SP140L: variants seen among roughly 807,000 people sequenced by gnomAD.
The protein encoded by SP140L is SP140 like nuclear body protein.
Under a neutral mutation model 84.3 loss-of-function variants are expected in SP140L, and 64 were observed. The observed-to-expected ratio is 0.76, with a 90% CI of 0.62 to 0.94. The LOEUF (loss-of-function observed/expected upper bound fraction) is 0.94, where lower values mean the gene tolerates loss of function less well. Ranked by LOEUF, SP140L falls within the 40% of genes least tolerant of loss-of-function variation. The pLI is 0.00. For synonymous variants in SP140L, 242 were observed against 236.9 expected (o/e 1.02, Z -0.20); for missense variants, 628 against 692.5 (o/e 0.91, Z 1.05).
In SP140L at chr2:230,401,064, G is replaced by A; in HGVS notation, c.1422+1G>A. ...GCAGATGTGTCCTGAGGAACAGTTG[G>A]TAAATCAGATGCAAACCCCAAGCCT... On this transcript the variant is annotated splice_donor_variant, in intron 16 of 18. Transcript: ENST00000415673. LOFTEE classifies it high-confidence loss of function. 2 of 1,234,278 alleles carry A rather than the reference G, an allele frequency of 1.6e-6. No individual in the cohort carries two copies. The highest frequency in any genetic ancestry group is 2.3e-6 in the Non-Finnish European group (2 of 887,626). The allele number at this position is 1,234,278 out of a possible 1,614,324, so 76.5% of individuals were successfully genotyped here. A position where few individuals can be genotyped will look rare whatever the true frequency, so the allele number is the denominator to read the frequency against.
chr2:230,388,340 A>C (rs1329793436), intron 9 of SP140L, among the ~76,000 whole-genome samples: 2 of 152,220 alleles, frequency 1.3e-5, no homozygotes, highest in African/African-American at 4.8e-5. Context: ...GATTTCAATT[A>C]GTTTTTTTCT....
Position 230,400,177 on chromosome 2 carries a change from C to A in SP140L, c.1248C>A (p.Phe416Leu). Residue 416 changes from phenylalanine to leucine, a missense_variant, in exon 15 of 19, where the codon TTC becomes TTA. By Grantham distance (22) the Phe-to-Leu change is conservative. This residue lies in a region of SP140L where 525 missense variants were observed against 518.4 expected (regional missense o/e 1.01). Coordinates refer to ENST00000415673, the MANE Select transcript of SP140L (RefSeq NM_138402.6). ...CEVCRDGGEL[F>L]CCDTCSRVFH... is the part of the protein sequence containing the mutation. ...TGTGCCGGGACGGAGGGGAGCTGTTCTGTTGCGACACTTGTTCAAGAGTCT... is the reference window on the plus strand; with the variant it reads ...TGTGCCGGGACGGAGGGGAGCTGTTATGTTGCGACACTTGTTCAAGAGTCT... The A allele has an allele frequency of 6.2e-7, 1 of 1,614,198 alleles. No individual in the cohort carries two copies. The highest frequency in any genetic ancestry group is 1.1e-5 in the South Asian group (1 of 91,086).
At chr2:230,378,514 C>T (rs2061317503) in intron 7 of SP140L, among the ~76,000 whole-genome samples, 1 of 152,126 alleles carries the variant, frequency 6.6e-6, no homozygotes, top group East Asian at 1.9e-4. Context: ...TCTTAGTGGT[C>T]AGATCTTAAA....
At chr2:230,364,919 C>G (rs895676651) in intron 5 of SP140L, among the ~76,000 whole-genome samples, 1 of 152,062 alleles carries the variant, frequency 6.6e-6, no homozygotes, top group African/African-American at 2.4e-5. Flanking sequence ...GTCCTTCATT[C>G]TATTAATGCA....
At chr2:230,383,624 C>T in intron 8 of SP140L, 49 bp downstream of exon 8, 1 of 1,547,890 alleles carries the variant, frequency 6.5e-7, no homozygotes. Context: ...TATTAAGGCG[C>T]TGTCCATTGT....
intron 7 of SP140L, among the ~76,000 whole-genome samples, chr2:230,375,108 G>A (rs913756129): frequency 6.6e-6 from 1 of 152,094 alleles, no homozygotes; most frequent in Non-Finnish European, 1.5e-5. Context: ...TTACTTGCTT[G>A]TAGAATATTT....
rs137943884 is a variant in SP140L at position 230,337,834 on chromosome 2, G to A, written c.107+9003G>A. Among the ~76,000 whole-genome samples the A allele has an allele frequency of 7.8e-3, 1,188 of 152,106 alleles. 16 individuals carry two copies. The highest frequency in any genetic ancestry group is 0.027 in the African/African-American group (1,117 of 41,464). On this transcript the variant is annotated intron_variant, in intron 2 of 18. Coordinates refer to ENST00000415673, the MANE Select transcript of SP140L (RefSeq NM_138402.6). ...ACGCAGCGTTATTTCTGAGGGCTCT[G>A]TTCTGTTCCGTTGATCTATATCTCC...
intron 2 of SP140L, among the ~76,000 whole-genome samples, chr2:230,335,803 T>C (rs2059856097): frequency 6.6e-6 from 1 of 152,190 alleles, no homozygotes; most frequent in Non-Finnish European, 1.5e-5. Context: ...GGGGCAAGCC[T>C]TGTTTCTTCC....
At chr2:230,332,470 G>A (rs1330787712) in intron 2 of SP140L, among the ~76,000 whole-genome samples, 1 of 152,224 alleles carries the variant, frequency 6.6e-6, no homozygotes, top group East Asian at 1.9e-4. Flanking sequence ...TCACATAATA[G>A]GGCAGAAGAT....
At chr2:230,353,406 T>C (rs2060426188) in intron 2 of SP140L, among the ~76,000 whole-genome samples, 1 of 152,108 alleles carries the variant, frequency 6.6e-6, no homozygotes. Flanking sequence ...TTCTTATTAA[T>C]TTATCTAGAA....
In SP140L at chr2:230,372,741, A is replaced by AAG. The variant is rs1205044461; in HGVS notation, c.637+1091_637+1092insGA. On this transcript the variant is annotated intron_variant, in intron 7 of 18. Transcript: ENST00000415673. ...CTCCGTCTCAAAAAAAAAAAAAAAA[A>AAG]AAAAAAGAAAGAGTCACATGTACTC... 4.1e-4 allele frequency: 62 copies of AAG among 151,522 alleles called. 1 individual carries two copies. The highest frequency in any genetic ancestry group is 1.3e-3 in the African/African-American group (55 of 41,338). 9.4% of individuals were successfully genotyped at this position (151,522 alleles called of 1,614,324 possible).
intron 2 of SP140L, among the ~76,000 whole-genome samples, chr2:230,332,043 G>A (rs529500445): frequency 3.9e-5 from 6 of 152,098 alleles, no homozygotes; most frequent in South Asian, 2.1e-4. Context: ...TTGTTCCAGC[G>A]CTCAGGGGAA....
At chr2:230,354,932 G>T (rs1238811064) in intron 2 of SP140L, among the ~76,000 whole-genome samples, 1 of 149,538 alleles carries the variant, frequency 6.7e-6, no homozygotes, top group Non-Finnish European at 1.5e-5. Context: ...AAAGAAAAAA[G>T]AAAAAGAAAA....
chr2:230,364,900 A>G (rs1198685785), intron 5 of SP140L, among the ~76,000 whole-genome samples: 2 of 152,090 alleles, frequency 1.3e-5, no homozygotes, highest in African/African-American at 4.8e-5. Flanking sequence ...GGATAATCAT[A>G]TAATTTTTGT....
At chr2:230,397,669 A>G (rs370471087) in intron 14 of SP140L, among the ~76,000 whole-genome samples, 1 of 152,198 alleles carries the variant, frequency 6.6e-6, no homozygotes, top group Non-Finnish European at 1.5e-5. Flanking sequence ...GGACTCACAT[A>G]GAATATCATG....
intron 2 of SP140L, among the ~76,000 whole-genome samples, chr2:230,334,897 C>T (rs1165036657): frequency 6.6e-6 from 1 of 152,056 alleles, no homozygotes. Context: ...AGTTCTCATG[C>T]TGACCTTTGA....
chr2:230,363,545 G>C (rs1575482043), intron 5 of SP140L, among the ~76,000 whole-genome samples: 3 of 151,184 alleles, frequency 2.0e-5, no homozygotes. Context: ...TATGGAGTTG[G>C]TTGAGTTCCT....
chr2:230,388,469 G>C, intron 9 of SP140L, 90 bp from the exon 10 acceptor site: 1 of 1,095,200 alleles, frequency 9.1e-7, no homozygotes, highest in Non-Finnish European at 1.3e-6. Context: ...CTTTTGGAAA[G>C]TTACATTTAA....
At chr2:230,372,984 G>A (rs1372119248) in intron 7 of SP140L, among the ~76,000 whole-genome samples, 1 of 152,170 alleles carries the variant, frequency 6.6e-6, no homozygotes, top group Non-Finnish European at 1.5e-5. Flanking sequence ...TGAGTGGTCT[G>A]GATGAAAGAT....
Sources: gnomAD v4.1 joint callset for allele counts (sites outside exome capture counted in the v4.1 genomes callset) on GRCh38, gnomAD v4.1.1 for gene constraint, gnomAD v4.1.1 regional missense constraint, MANE v1.5 for transcripts, NCBI Gene and HGNC (gene_info 2026-07-23, HGNC 2026-07-21) for gene names.